Variants in AOPEP observed in about 807,000 individuals in gnomAD.
AOPEP encodes aminopeptidase O (putative).
AOPEP carries 77 observed loss-of-function variants against 98.1 expected under a neutral mutation model. The observed-to-expected ratio is 0.78, with a 90% CI of 0.65 to 0.95. The LOEUF (loss-of-function observed/expected upper bound fraction) is 0.95, where lower values mean the gene tolerates loss of function less well. Ranked by LOEUF, AOPEP falls within the 40% of genes least tolerant of loss-of-function variation. The pLI, the probability that AOPEP is intolerant of heterozygous loss-of-function variation, is 0.00. For synonymous variants in AOPEP, 346 were observed against 365.3 expected (o/e 0.95, Z 0.60); for missense variants, 1,024 against 1,024.7 (o/e 1.00, Z 0.01).
chr9:95,068,386 C>T (rs932650902), intron 14 of AOPEP, among the ~76,000 whole-genome samples: 6 of 152,132 alleles, frequency 3.9e-5, no homozygotes, highest in African/African-American at 9.7e-5. Context: ...ACCCCACTGT[C>T]GTCGTCATTC....
chr9:95,101,945 A>C, the AOPEP span: 21 of 1,409,754 alleles, frequency 1.5e-5, no homozygotes, highest in Non-Finnish European at 2.1e-5. Flanking sequence ...AGTCCCTGAA[A>C]GAAGCCCTAT....
At chr9:95,082,434 C>A in intron 15 of AOPEP, 141 bp from the exon 16 acceptor site, 1 of 869,056 alleles carries the variant, frequency 1.2e-6, no homozygotes, top group Non-Finnish European at 1.7e-6. Context: ...ACAGTCAGCC[C>A]ACGGCCTCTG....
chr9:94,854,483 G>A (rs2043941438), intron 5 of AOPEP, among the ~76,000 whole-genome samples: 1 of 152,156 alleles, frequency 6.6e-6, no homozygotes, highest in African/African-American at 2.4e-5. Context: ...CCTGTTATAG[G>A]TATGTGAGGG....
rs1841256706 is a variant in AOPEP at position 94,773,083 on chromosome 9, A to G, written c.879A>G (p.Thr293=). Residue 293 remains threonine, a synonymous_variant, in exon 3 of 17, where the codon ACA becomes ACG. Transcript: ENST00000375315. ...PCQEPPVAMS[T]WQATVRAAAS... is the part of the protein sequence containing the mutation. ...AGGAGCCACCCGTTGCCATGTCAAC[A>G]TGGCAGGCTACAGTTCGAGCAGCTG... 6.2e-7 allele frequency: 1 copy of G among 1,614,074 alleles called. No homozygotes were observed. Among genetic ancestry groups the G allele is most frequent in the Non-Finnish European group, 8.5e-7 (1 of 1,180,038 alleles).
chr9:94,977,093 A>G (rs2059897104), intron 10 of AOPEP, among the ~76,000 whole-genome samples: 1 of 152,190 alleles, frequency 6.6e-6, no homozygotes, highest in Non-Finnish European at 1.5e-5. Flanking sequence ...AGTGAAGGAC[A>G]CTTTCCTACC....
intron 11 of AOPEP, among the ~76,000 whole-genome samples, chr9:94,989,495 A>G (rs1331850775): frequency 6.6e-6 from 1 of 152,014 alleles, no homozygotes; most frequent in Non-Finnish European, 1.5e-5. Context: ...TTGGCCTCCC[A>G]AGGTGCTGGG....
intron 5 of AOPEP, among the ~76,000 whole-genome samples, chr9:94,807,835 T>C (rs1410327966): frequency 3.3e-5 from 5 of 152,200 alleles, no homozygotes; most frequent in Non-Finnish European, 7.3e-5. Flanking sequence ...AGATTTCTTT[T>C]AGGGAAAACA....
At chr9:95,086,312 A>C in intron 16 of AOPEP, 1 of 985,448 alleles carries the variant, frequency 1.0e-6, no homozygotes, top group Non-Finnish European at 1.2e-6. Context: ...AAGGCAGGAC[A>C]CAGTGCCAGC....
At chr9:94,759,399 C>A (rs1461602471) in intron 1 of AOPEP, among the ~76,000 whole-genome samples, 1 of 152,238 alleles carries the variant, frequency 6.6e-6, no homozygotes, top group Non-Finnish European at 1.5e-5. Flanking sequence ...AAGGACAGTT[C>A]TCATTGGAGC....
At chr9:94,843,480 G>C (rs1447577520) in intron 5 of AOPEP, among the ~76,000 whole-genome samples, 1 of 152,166 alleles carries the variant, frequency 6.6e-6, no homozygotes, top group East Asian at 1.9e-4. Flanking sequence ...AGGAGCTCAG[G>C]TCTACTGTGT....
chr9:95,128,115 A>G, the AOPEP span, among the ~76,000 whole-genome samples: 5 of 152,248 alleles, frequency 3.3e-5, no homozygotes, highest in African/African-American at 9.6e-5. Flanking sequence ...GAACTTAGGC[A>G]TGTCAGTTAA....
intron 9 of AOPEP, among the ~76,000 whole-genome samples, chr9:94,961,377 G>T (rs1201650409): frequency 6.6e-6 from 1 of 151,920 alleles, no homozygotes; most frequent in African/African-American, 2.4e-5. Flanking sequence ...TTGTATTTTT[G>T]AATTCGTTTT....
intron 7 of AOPEP, among the ~76,000 whole-genome samples, chr9:94,950,703 T>C (rs554774873): frequency 1.3e-5 from 2 of 152,374 alleles, no homozygotes; most frequent in African/African-American, 2.4e-5. Context: ...TCTGGGATGC[T>C]TAGTCCCTGG....
At chr9:94,877,317 G>A (rs1237567623) in intron 5 of AOPEP, among the ~76,000 whole-genome samples, 1 of 152,080 alleles carries the variant, frequency 6.6e-6, no homozygotes, top group African/African-American at 2.4e-5. Context: ...CATAGCTCCT[G>A]AACAAAGTTC....
At chr9:94,736,742 G>A (rs1394061410) in intron 1 of AOPEP, among the ~76,000 whole-genome samples, 1 of 151,720 alleles carries the variant, frequency 6.6e-6, no homozygotes, top group African/African-American at 2.4e-5. Flanking sequence ...ACTTACCTTG[G>A]GCCCACAGTG....
chr9:94,951,615 G>A (rs73540062), intron 7 of AOPEP, among the ~76,000 whole-genome samples: 1 of 152,188 alleles, frequency 6.6e-6, no homozygotes, highest in Non-Finnish European at 1.5e-5. Context: ...AGTTAGAAAC[G>A]AATCTGGCTA....
At chr9:95,083,603 C>T (rs1460030211) in intron 16 of AOPEP, among the ~76,000 whole-genome samples, 1 of 150,382 alleles carries the variant, frequency 6.6e-6, no homozygotes, top group African/African-American at 2.5e-5. Context: ...AGCACATGCA[C>T]CACACGTAGC....
At chr9:94,844,900 G>C (rs887229519) in intron 5 of AOPEP, among the ~76,000 whole-genome samples, 2 of 152,130 alleles carry the variant, frequency 1.3e-5, no homozygotes, top group African/African-American at 2.4e-5. Flanking sequence ...TTACCTGAGT[G>C]AGTGCTTTGT....
At chr9:95,082,518 CGT>C (rs767271075) in intron 15 of AOPEP, 55 bp from the exon 16 acceptor site, 107 of 1,584,486 alleles carry the variant, frequency 6.8e-5, no homozygotes, top group Non-Finnish European at 8.8e-5. Context: ...CTCATGTGTG[CGT>C]GTGTGTGGGT....
Sources: gnomAD v4.1 joint callset for allele counts (sites outside exome capture counted in the v4.1 genomes callset) on GRCh38, gnomAD v4.1.1 for gene constraint, MANE v1.5 for transcripts, NCBI Gene and HGNC (gene_info 2026-07-23, HGNC 2026-07-21) for gene names.